The following CEP350 variants were observed in gnomAD, a reference collection of about 807,000 sequenced individuals.
The protein encoded by CEP350 is centrosomal protein 350, also known as centrosome-associated protein 350.
Under a neutral mutation model 331.8 loss-of-function variants are expected in CEP350, and 126 were observed. The ratio of observed to expected loss-of-function variants is 0.38; its 90% CI spans 0.33 to 0.44. The LOEUF (loss-of-function observed/expected upper bound fraction) is 0.44, where lower values mean the gene tolerates loss of function less well. Among genes scored for constraint, CEP350 ranks in the 20% least tolerant of loss-of-function variants. The pLI, the probability that CEP350 is intolerant of heterozygous loss-of-function variation, is 1.00. For missense variants in CEP350, 3,406 were observed against 3,634.6 expected (o/e 0.94, Z 1.62); for synonymous variants, 1,200 against 1,259.5 (o/e 0.95, Z 1.00).
At chr1:180,052,165 A>T (rs559666093) in intron 22 of CEP350, 29 of 452,900 alleles carry the variant, frequency 6.4e-5, no homozygotes, top group Non-Finnish European at 1.1e-4. Flanking sequence ...GCAGTGATAC[A>T]ACTGTAGTAA....
Position 180,048,656 on chromosome 1 carries a change from A to G in CEP350, c.4743A>G (p.Ala1581=). ...SSIDEQVQTA[A]DDSLRSDSVP... is the part of the protein sequence containing the mutation. The stretch of plus-strand genomic sequence containing the variant: ...TTGATGAACAGGTTCAGACTGCTGC[A>G]GATGATTCTCTACGAAGTGATAGTG... The change falls in exon 22 of 38, where the codon GCA becomes GCG. Residue 1581 remains alanine (A), a synonymous_variant. Transcript: ENST00000367607. The G allele has an allele frequency of 6.2e-7, 1 of 1,612,792 alleles. No individual in the cohort carries two copies. Among genetic ancestry groups the G allele is most frequent in the African/African-American group, 1.3e-5 (1 of 75,026 alleles).
chr1:179,968,704 G>A (rs1651203967), intron 1 of CEP350: 4 of 558,158 alleles, frequency 7.2e-6, no homozygotes, highest in South Asian at 5.6e-5. Context: ...TAAGTTCCTT[G>A]CAGGAGGAAC....
chr1:179,964,853 T>A (rs1650889033), intron 1 of CEP350, among the ~76,000 whole-genome samples: 2 of 151,128 alleles, frequency 1.3e-5, no homozygotes, highest in South Asian at 4.1e-4. Flanking sequence ...CCTTTGTATG[T>A]TTTTTTTGTT....
At chr1:179,955,712 A>G (rs116005766) in intron 1 of CEP350, among the ~76,000 whole-genome samples, 1,686 of 152,336 alleles carry the variant, frequency 0.011, 31 homozygotes, top group African/African-American at 0.039. Context: ...CATGCTAAGT[A>G]ATATTTAGCT....
At chr1:180,049,347 C>T (rs943795823) in intron 22 of CEP350, among the ~76,000 whole-genome samples, 3 of 152,080 alleles carry the variant, frequency 2.0e-5, no homozygotes, top group Non-Finnish European at 2.9e-5. Context: ...GCCTGTCTTC[C>T]AATAACAGTG....
chr1:180,107,147 T>C (rs1661190387), intron 37 of CEP350, among the ~76,000 whole-genome samples: 1 of 152,222 alleles, frequency 6.6e-6, no homozygotes, highest in Non-Finnish European at 1.5e-5. Context: ...ATGCCATATA[T>C]TTATATAGCA....
At chr1:180,015,326 C>A (rs947270437) in intron 10 of CEP350, among the ~76,000 whole-genome samples, 1 of 152,042 alleles carries the variant, frequency 6.6e-6, no homozygotes, top group African/African-American at 2.4e-5. Flanking sequence ...CTCCGCCCCC[C>A]GGGGTTCATG....
intron 1 of CEP350, among the ~76,000 whole-genome samples, chr1:179,969,730 G>T (rs547804616): frequency 9.2e-5 from 14 of 152,112 alleles, no homozygotes; most frequent in South Asian, 2.1e-4. Flanking sequence ...AAGTGGGAGG[G>T]TTGCTTGAGC....
chr1:180,094,859 C>T (rs1199407835), intron 34 of CEP350, among the ~76,000 whole-genome samples: 1 of 152,150 alleles, frequency 6.6e-6, no homozygotes, highest in Non-Finnish European at 1.5e-5. Flanking sequence ...TTGTCACAAG[C>T]ACTGGCAGGT....
At chr1:180,042,169 T>C (rs949013010) in intron 19 of CEP350, among the ~76,000 whole-genome samples, 13 of 104,758 alleles carry the variant, frequency 1.2e-4, no homozygotes, top group South Asian at 3.3e-4. Flanking sequence ...CACACACACA[T>C]CTCCCTATAA....
At position 179,996,971 on chromosome 1, in the gene CEP350, A is replaced by T; in HGVS notation, c.814A>T (p.Ile272Phe). The change falls in exon 6 of 38, where the codon ATT (isoleucine) becomes TTT (phenylalanine). Residue 272 changes from isoleucine to phenylalanine, a missense_variant. Ile to Phe is a conservative substitution (Grantham distance 21, BLOSUM62 0). Coordinates refer to ENST00000367607, the MANE Select transcript of CEP350 (RefSeq NM_014810.5). ...TSTSNSQRLD[I>F]LKRRQHDVKL... Reference sequence around the variant, plus strand: ...TACTTCTAATTCCCAAAGATTAGATATTCTAAAGCGGCGACAACATGATGT... The same window carrying T: ...TACTTCTAATTCCCAAAGATTAGATTTTCTAAAGCGGCGACAACATGATGT... 1.2e-6 allele frequency: 2 copies of T among 1,614,004 alleles called. No individual in the cohort carries two copies. Among genetic ancestry groups the T allele is most frequent in the Non-Finnish European group, 1.7e-6 (2 of 1,179,850 alleles).
chr1:179,987,250 C>T lies in CEP350; in HGVS notation c.84C>T (p.Thr28=). 2.6e-6 allele frequency: 4 copies of T among 1,549,262 alleles called. No individual in the cohort carries two copies. Among genetic ancestry groups the T allele is most frequent in the Non-Finnish European group, 3.5e-6 (4 of 1,129,024 alleles). ...CATTTTTTTTCCCAGCAGATATAACCACATCGTGGGATGCACTTTCTCAAA... is the reference window on the plus strand; with the variant it reads ...CATTTTTTTTCCCAGCAGATATAACTACATCGTGGGATGCACTTTCTCAAA... ...QSKDTVQADI[T]TSWDALSQTK... is the part of the protein sequence containing the mutation. The change falls in exon 3 of 38, where the codon ACC becomes ACT. Residue 28 remains threonine (T), a synonymous_variant. Coordinates refer to ENST00000367607, the MANE Select transcript of CEP350 (RefSeq NM_014810.5).
At chr1:179,961,173 C>T (rs1423170736) in intron 1 of CEP350, among the ~76,000 whole-genome samples, 5 of 152,076 alleles carry the variant, frequency 3.3e-5, no homozygotes, top group Admixed American at 6.6e-5. Flanking sequence ...TGGCCAGGCG[C>T]GGTGGCTCAT....
At position 179,996,593 on chromosome 1, in the gene CEP350, C is replaced by T. The variant is rs1166290277; in HGVS notation, c.436C>T (p.Leu146=). The stretch of plus-strand genomic sequence containing the variant: ...ACCTTCCAATTTCAGTTCCAGCCAT[C>T]TGGAATCAAAGCACGTATACTGTGT... ...GAPSNFSSSH[L]ESKHVYCVDV... is the part of the protein sequence containing the mutation. The change falls in exon 6 of 38, where the codon CTG becomes TTG. Residue 146 remains leucine (L), a synonymous_variant. Transcript: ENST00000367607. 5 of 1,589,330 alleles carry T rather than the reference C, an allele frequency of 3.1e-6. No homozygotes were observed. The highest frequency in any genetic ancestry group is 2.7e-5 in the African/African-American group (2 of 74,490).
At chr1:180,084,585 C>T (rs542757591) in intron 31 of CEP350, among the ~76,000 whole-genome samples, 38 of 152,206 alleles carry the variant, frequency 2.5e-4, no homozygotes, top group African/African-American at 8.7e-4. Context: ...AGGATGGTCT[C>T]GATCTCCTGA....
intron 5 of CEP350, among the ~76,000 whole-genome samples, chr1:179,995,081 C>T (rs1653371972): frequency 6.6e-6 from 1 of 152,138 alleles, no homozygotes; most frequent in African/African-American, 2.4e-5. Flanking sequence ...ATGTTTAGAA[C>T]CCAGTATGTA....
At chr1:180,003,433 T>C in intron 7 of CEP350, 146 bp downstream of exon 7, 1 of 612,246 alleles carries the variant, frequency 1.6e-6, no homozygotes, top group Non-Finnish European at 2.8e-6. Context: ...GTTTGAGGCA[T>C]AAGGCTCTCT....
intron 27 of CEP350, among the ~76,000 whole-genome samples, chr1:180,071,802 A>G (rs1658914403): frequency 6.6e-6 from 1 of 152,138 alleles, no homozygotes; most frequent in Non-Finnish European, 1.5e-5. Flanking sequence ...GAGCGAATTA[A>G]GTACTCATTA....
At chr1:180,022,331 T>TTA (rs1655379106) in intron 12 of CEP350, among the ~76,000 whole-genome samples, 1 of 152,136 alleles carries the variant, frequency 6.6e-6, no homozygotes, top group Admixed American at 6.5e-5. Flanking sequence ...ACTGAAATAT[T>TTA]TAGAGATGAA....
Sources: gnomAD v4.1 joint callset for allele counts (sites outside exome capture counted in the v4.1 genomes callset) on GRCh38, gnomAD v4.1.1 for gene constraint, MANE v1.5 for transcripts, NCBI Gene and HGNC (gene_info 2026-07-23, HGNC 2026-07-21) for gene names.